Variants in PHF11 observed in about 807,000 individuals in gnomAD.
PHF11 encodes BRCA1 C-terminus-associated protein.
PHF11 carries 38 observed loss-of-function variants against 40.5 expected under a neutral mutation model. That is an observed-to-expected ratio of 0.94 (90% confidence interval 0.72 to 1.23). The LOEUF (loss-of-function observed/expected upper bound fraction) is 1.23. Ranked by LOEUF, PHF11 falls within the 50% of genes most tolerant of loss-of-function variation. The pLI is 0.00. For missense variants in PHF11, 369 were observed against 392.4 expected (o/e 0.94, Z 0.50); for synonymous variants, 127 against 138.2 (o/e 0.92, Z 0.57).
Position 49,524,093 on chromosome 13 carries a change from G to A in PHF11, c.646G>A (p.Val216Met), listed in dbSNP as rs1424248049. Residue 216 changes from valine to methionine, a missense_variant, in exon 8 of 10, where the codon GTG becomes ATG. Val to Met is a conservative substitution (Grantham distance 21). Transcript: ENST00000378319. ...EEHGRHTDAT[V>M]KVPFLKKCKE... ...GTTTGTCTTATTCTTAGATGCAACTGTGAAAGTTCCTTTTCTTAAGAAATG... is the reference window on the plus strand; with the variant it reads ...GTTTGTCTTATTCTTAGATGCAACTATGAAAGTTCCTTTTCTTAAGAAATG... 6.2e-7 allele frequency: 1 copy of A among 1,605,928 alleles called. No individual in the cohort carries two copies. The highest frequency in any genetic ancestry group is 1.1e-5 in the South Asian group (1 of 90,076).
intron 1 of PHF11, chr13:49,497,235 C>A: frequency 9.5e-6 from 12 of 1,269,388 alleles, no homozygotes; most frequent in Non-Finnish European, 1.2e-5. Flanking sequence ...ACGGGAGATG[C>A]GCTTCCATCC....
Position 49,528,726 on chromosome 13 carries a change from C to G in PHF11, c.*61C>G. ...TTGCAATCAGGCTCAAAACCAGAGA[C>G]CAGGCTGTGAAATCCACACATCTTT... is the stretch of plus-strand genomic sequence containing the variant. On this transcript the variant is annotated 3_prime_UTR_variant, in exon 10 of 10. Coordinates refer to ENST00000378319, the MANE Select transcript of PHF11 (RefSeq NM_001040443.3). 1.6e-6 allele frequency: 2 copies of G among 1,262,988 alleles called. No individual in the cohort carries two copies. Among genetic ancestry groups the G allele is most frequent in the Middle Eastern group, 1.9e-4 (1 of 5,172 alleles). 78.2% of individuals were successfully genotyped at this position (1,262,988 alleles called of 1,614,324 possible).
chr13:49,496,417 T>G, intron 1 of PHF11: 2 of 1,086,734 alleles, frequency 1.8e-6, no homozygotes, highest in Non-Finnish European at 2.2e-6. Flanking sequence ...CCACAACCGA[T>G]GTCAACTCTC....
rs1401697837 is a variant in PHF11, at chr13:49,504,530, C to T, written c.95-2105C>T. Among the ~76,000 whole-genome samples the T allele has an allele frequency of 4.7e-3, 252 of 53,994 alleles. 5 individuals carry two copies. Among genetic ancestry groups the T allele is most frequent in the African/African-American group, 0.011 (246 of 22,172 alleles). The allele number at this position is 53,994 out of a possible 152,430, so 35.4% of individuals were successfully genotyped here. The stretch of plus-strand genomic sequence containing the variant: ...GAGGTGAGGGGCGCCTCTGCCTGGC[C>T]GCCCCTACTGGGAAGTGAGGAGCCC... On this transcript the variant is annotated intron_variant, in intron 1 of 9. Transcript: ENST00000378319.
chr13:49,496,790 T>A (rs1226154637), intron 1 of PHF11, among the ~76,000 whole-genome samples: 2 of 149,940 alleles, frequency 1.3e-5, no homozygotes, highest in Non-Finnish European at 3.0e-5. Context: ...CTCCCAGTCT[T>A]CAGGGAAAGC....
intron 3 of PHF11, among the ~76,000 whole-genome samples, chr13:49,516,322 T>G (rs1959154296): frequency 6.6e-6 from 1 of 152,032 alleles, no homozygotes; most frequent in Admixed American, 6.6e-5. Flanking sequence ...CTGTTTTCCC[T>G]TATCCTAAAA....
intron 1 of PHF11, among the ~76,000 whole-genome samples, chr13:49,498,114 C>T (rs374077563): frequency 2.0e-4 from 30 of 152,294 alleles, no homozygotes; most frequent in South Asian, 1.2e-3. Flanking sequence ...CATGTAAATT[C>T]GTCTTACTCT....
chr13:49,523,252 A>C lies in PHF11; in HGVS notation c.637+11A>C. 1.3e-6 allele frequency: 2 copies of C among 1,587,208 alleles called. No homozygotes were observed. Among genetic ancestry groups the C allele is most frequent in the Non-Finnish European group, 1.7e-6 (2 of 1,155,816 alleles). On this transcript the variant is annotated intron_variant, in intron 7 of 9. Transcript: ENST00000378319. ...ATGGCAGACACACAGGTTTGCGCTAAGTGTTGTCTGTAACAAATATGGCCT... is the reference window on the plus strand; with the variant it reads ...ATGGCAGACACACAGGTTTGCGCTACGTGTTGTCTGTAACAAATATGGCCT...
chr13:49,504,498 C>G (rs1203620143), intron 1 of PHF11, among the ~76,000 whole-genome samples: 1 of 64,262 alleles, frequency 1.6e-5, no homozygotes, highest in Admixed American at 1.7e-4. Context: ...CCAGCCGCCC[C>G]GTCCGGGAGG....
intron 1 of PHF11, among the ~76,000 whole-genome samples, chr13:49,501,004 T>TTTTTTG (rs1958894305): frequency 1.6e-5 from 2 of 121,470 alleles, no homozygotes; most frequent in African/African-American, 8.0e-5. Context: ...ACTTTTGTTT[T>TTTTTTG]TTTTTTTTTT....
intron 1 of PHF11, among the ~76,000 whole-genome samples, chr13:49,501,773 C>T (rs1329539439): frequency 2.0e-5 from 3 of 152,078 alleles, no homozygotes; most frequent in Admixed American, 6.5e-5. Flanking sequence ...TCACTGCAAC[C>T]TCCTCCTCCC....
Position 49,524,219 on chromosome 13 carries a change from A to T in PHF11, c.769+3A>T, listed in dbSNP as rs370297463. The T allele has an allele frequency of 6.2e-7, 1 of 1,600,790 alleles. No homozygotes were observed. Among genetic ancestry groups the T allele is most frequent in the Non-Finnish European group, 8.5e-7 (1 of 1,171,692 alleles). On this transcript the variant is annotated splice_donor_region_variant and intron_variant, in intron 8 of 9. Transcript: ENST00000378319. ...GGATGAGACTACTTCAGAATCAGGT[A>T]CTGATGAAGAGCAATATTTCGAAGT...
In PHF11 at chr13:49,501,382, A is replaced by G. The variant is rs570645956; in HGVS notation, c.95-5253A>G. Among the ~76,000 whole-genome samples, 13 of 152,274 alleles carry G rather than the reference A, an allele frequency of 8.5e-5. 1 individual carries two copies. In the South Asian group the frequency reaches 2.7e-3, roughly 32 times the overall value. ...GTTTTGAGTGTCCTTTAATAAGAAC[A>G]CAGTATTCTATCAAAGTAGATTTTG... On this transcript the variant is annotated intron_variant, in intron 1 of 9. Transcript: ENST00000378319.
chr13:49,511,059 A>G (rs1959075492), intron 2 of PHF11, among the ~76,000 whole-genome samples: 1 of 152,182 alleles, frequency 6.6e-6, no homozygotes, highest in Admixed American at 6.5e-5. Context: ...AAGGAATCCT[A>G]TAGTTGTCCT....
chr13:49,524,446 C>T (rs1959214492), intron 8 of PHF11, among the ~76,000 whole-genome samples: 1 of 151,878 alleles, frequency 6.6e-6, no homozygotes, highest in Admixed American at 6.6e-5. Flanking sequence ...TATAAGCTGT[C>T]CAGCTTGTCA....
chr13:49,514,955 C>T (rs959475558), intron 3 of PHF11, among the ~76,000 whole-genome samples: 21 of 152,002 alleles, frequency 1.4e-4, no homozygotes, highest in African/African-American at 5.1e-4. Context: ...TTTTGCTCTT[C>T]ACTAATTGGA....
intron 4 of PHF11, among the ~76,000 whole-genome samples, chr13:49,519,721 T>C (rs78582882): frequency 0.02 from 2,993 of 152,048 alleles, 47 homozygotes; most frequent in South Asian, 0.059. Context: ...GTGGAATGGA[T>C]GGGGACATGG....
intron 1 of PHF11, among the ~76,000 whole-genome samples, chr13:49,504,527 G>A (rs1406770279): frequency 1.9e-5 from 1 of 53,216 alleles, no homozygotes; most frequent in African/African-American, 4.6e-5. Context: ...GCCTCTGCCT[G>A]GCCGCCCCTA....
At chr13:49,525,793 T>A (rs976325528) in intron 8 of PHF11, 8 of 456,440 alleles carry the variant, frequency 1.8e-5, no homozygotes, top group Non-Finnish European at 3.5e-5. Context: ...TCCCAAACAG[T>A]GTGCCTGAGA....
Sources: allele counts gnomAD v4.1 joint callset (sites outside exome capture counted in the v4.1 genomes callset), GRCh38; gene constraint gnomAD v4.1.1; transcripts MANE v1.5; gene names NCBI Gene and HGNC (gene_info 2026-07-23, HGNC 2026-07-21).